Variants in BTN1A1 observed in about 807,000 individuals in gnomAD.
BTN1A1 encodes the protein bK14H9.2 (butyrophilin, subfamily 1, member A1).
In BTN1A1, 26 loss-of-function variants were observed where a neutral mutation model predicts 33.1. The observed-to-expected ratio is 0.79, with a 90% CI of 0.58 to 1.09. The LOEUF (loss-of-function observed/expected upper bound fraction) is 1.09. Among genes scored for constraint, BTN1A1 ranks in the 50% least tolerant of loss-of-function variants. The pLI, the probability that BTN1A1 is intolerant of heterozygous loss-of-function variation, is 0.00. For missense variants in BTN1A1, 558 were observed against 655.7 expected (o/e 0.85, Z 1.63); for synonymous variants, 235 against 256.2 (o/e 0.92, Z 0.79).
chr6:26,507,200 G>A (rs971651092), intron 5 of BTN1A1, among the ~76,000 whole-genome samples: 11 of 152,082 alleles, frequency 7.2e-5, no homozygotes, highest in South Asian at 2.1e-4. Context: ...TAGCCTGAGC[G>A]ACAGAATAAG....
chr6:26,506,514 A>G (rs1561884709), intron 4 of BTN1A1, among the ~76,000 whole-genome samples, 169 bp from the exon 5 acceptor site: 1 of 151,692 alleles, frequency 6.6e-6, no homozygotes, highest in East Asian at 1.9e-4. Flanking sequence ...CTTGAAGTCA[A>G]TTTTTTTCTG....
Position 26,506,708 on chromosome 6 carries a change from C to T in BTN1A1, c.735C>T (p.Pro245=), listed in dbSNP as rs1389906036. 1 of 1,614,072 alleles carries T rather than the reference C, an allele frequency of 6.2e-7. No homozygotes were observed. The highest frequency in any genetic ancestry group is 1.1e-5 in the South Asian group (1 of 91,068). The part of the protein sequence containing the change: ...IPASSLPRLT[P]WIVAVAVILM... ...CTTCCTCCCTCCCAAGGCTGACTCC[C>T]TGGATAGTGGCTGTGGCTGTCATCC... The change falls in exon 5 of 8, where the codon CCC becomes CCT. Residue 245 remains proline (P), a synonymous_variant. Coordinates refer to ENST00000684113, the MANE Select transcript of BTN1A1 (RefSeq NM_001732.3).
Position 26,508,782 on chromosome 6 carries a change from G to C in BTN1A1, c.1189G>C (p.Glu397Gln). 1.2e-6 allele frequency: 2 copies of C among 1,614,154 alleles called. No individual in the cohort carries two copies. The highest frequency in any genetic ancestry group is 1.7e-6 in the Non-Finnish European group (2 of 1,180,022). The stretch of plus-strand genomic sequence containing the variant: ...TCCTGAGAATGGGTTCTGGGCTGTA[G>C]AGTTGTATGGAAATGGGTACTGGGC... ...MTPENGFWAV[E>Q]LYGNGYWALT... is the part of the protein sequence containing the mutation. Residue 397 changes from glutamate to glutamine, a missense_variant, in exon 8 of 8, where the codon GAG (glutamate) becomes CAG (glutamine). By Grantham distance (29) the Glu-to-Gln change is conservative. Coordinates refer to ENST00000684113, the MANE Select transcript of BTN1A1 (RefSeq NM_001732.3).
intron 5 of BTN1A1, 74 bp downstream of exon 5, chr6:26,506,906 T>C: frequency 1.3e-6 from 2 of 1,527,790 alleles, no homozygotes; most frequent in East Asian, 2.3e-5. Flanking sequence ...TCCTTTAGAA[T>C]GACTTATTTT....
In BTN1A1 at chr6:26,506,808, A is replaced by G. The variant is rs747952171; in HGVS notation, c.835A>G (p.Arg279Gly). 23 of 1,614,152 alleles carry G rather than the reference A, an allele frequency of 1.4e-5. No homozygotes were observed. The highest frequency in any genetic ancestry group is 4.5e-5 in the East Asian group (2 of 44,886). Residue 279 changes from arginine (R) to glycine (G), a missense_variant, in exon 5 of 8, where the codon AGG (arginine) becomes GGG (glycine). Coordinates refer to ENST00000684113, the MANE Select transcript of BTN1A1 (RefSeq NM_001732.3). Reference protein sequence around the residue: ...WRLYNERPRERRNEFSSKERL... With the variant: ...WRLYNERPREGRNEFSSKERL... ...ACTATACAACGAAAGACCCAGAGAG[A>G]GGAGGAATGAATTCAGCTCTAAAGG...
rs1373788303 is a variant in BTN1A1, at chr6:26,508,608, G to A, written c.1015G>A (p.Glu339Lys). 1.2e-6 allele frequency: 2 copies of A among 1,614,158 alleles called. No individual in the cohort carries two copies. The highest frequency in any genetic ancestry group is 8.5e-7 in the Non-Finnish European group (1 of 1,180,020). The part of the protein sequence containing the change: ...DSRQKLPEKT[E>K]RFDSWPCVLG... ...ACGTCAGAAACTGCCTGAGAAAACA[G>A]AGAGATTTGACTCCTGGCCCTGTGT... Residue 339 changes from glutamate (E) to lysine (K), a missense_variant, in exon 8 of 8, where the codon GAG becomes AAG. Glu to Lys is a moderately conservative substitution (Grantham distance 56, BLOSUM62 1). Coordinates refer to ENST00000684113, the MANE Select transcript of BTN1A1 (RefSeq NM_001732.3).
Position 26,508,538 on chromosome 6 carries a change from C to A in BTN1A1, c.945C>A (p.His315Gln). ...TGGACCCAGACACAGCTCATCCCCA[C>A]CTCTTTCTTTATGAGGATTCAAAAT... ...VTLDPDTAHP[H>Q]LFLYEDSKSV... Residue 315 changes from histidine to glutamine, a missense_variant, in exon 8 of 8, where the codon CAC becomes CAA. Transcript: ENST00000684113. The A allele has an allele frequency of 6.2e-7, 1 of 1,614,032 alleles. No homozygotes were observed. The highest frequency in any genetic ancestry group is 8.5e-7 in the Non-Finnish European group (1 of 1,179,954).
Position 26,501,539 on chromosome 6 carries a change from T to TC in BTN1A1, c.80-49dup, listed in dbSNP as rs1411350014. 2 of 1,603,968 alleles carry TC rather than the reference T, an allele frequency of 1.2e-6. No homozygotes were observed. The highest frequency in any genetic ancestry group is 1.7e-5 in the Admixed American group (1 of 59,634). On this transcript the variant is annotated intron_variant, in intron 2 of 7. Coordinates refer to ENST00000684113, the MANE Select transcript of BTN1A1 (RefSeq NM_001732.3). This position sits in a 1 kb window ranked among gnomAD's most constrained non-coding sequence, Gnocchi z 5.2. ...TTGGCGGGAATCTGGTCGGTGTCTG[T>TC]CCGTAGTTCCCATCTCCACATCCCG...
Position 26,508,588 on chromosome 6 carries a change from A to G in BTN1A1, c.995A>G (p.Gln332Arg). ...SKSVRLEDSR[Q>R]KLPEKTERFD... is the part of the protein sequence containing the mutation. ...TCTGTTCGACTGGAAGATTCACGTC[A>G]GAAACTGCCTGAGAAAACAGAGAGA... The change falls in exon 8 of 8, where the codon CAG becomes CGG. Residue 332 changes from glutamine to arginine, a missense_variant. Coordinates refer to ENST00000684113, the MANE Select transcript of BTN1A1 (RefSeq NM_001732.3). The G allele has an allele frequency of 6.2e-7, 1 of 1,614,230 alleles. No homozygotes were observed. The highest frequency in any genetic ancestry group is 1.1e-5 in the South Asian group (1 of 91,088).
At chr6:26,508,142 A>G (rs2113894890) in intron 7 of BTN1A1, 55 bp downstream of exon 7, 1 of 1,533,594 alleles carries the variant, frequency 6.5e-7, no homozygotes, top group Non-Finnish European at 8.8e-7. Flanking sequence ...TAGGAATTCA[A>G]AGTGCTATGA....
chr6:26,505,645 T>C (rs2113892609), intron 4 of BTN1A1, among the ~76,000 whole-genome samples: 1 of 152,202 alleles, frequency 6.6e-6, no homozygotes, highest in South Asian at 2.1e-4. Context: ...AGGCTGGTCT[T>C]GAACTTCTGG....
chr6:26,504,682 G>A (rs1446746530), intron 3 of BTN1A1, among the ~76,000 whole-genome samples: 2 of 151,940 alleles, frequency 1.3e-5, no homozygotes, highest in Non-Finnish European at 2.9e-5. Context: ...TGCCCAGGCT[G>A]GTCTTGATCT....
chr6:26,506,949 G>T, intron 5 of BTN1A1, 117 bp downstream of exon 5: 1 of 1,281,988 alleles, frequency 7.8e-7, no homozygotes, highest in Non-Finnish European at 1.1e-6. Context: ...GGCTGGGCAT[G>T]GTGGCTCACG....
rs766193997 is a variant in BTN1A1, at chr6:26,501,890, G to C, written c.380G>C (p.Arg127Thr). 12 of 1,601,354 alleles carry C rather than the reference G, an allele frequency of 7.5e-6. No individual in the cohort carries two copies. The highest frequency in any genetic ancestry group is 1.0e-5 in the Non-Finnish European group (12 of 1,171,758). Residue 127 changes from arginine (R) to threonine (T), a missense_variant, in exon 3 of 8, where the codon AGG (arginine) becomes ACG (threonine). Physicochemically the swap from Arg to Thr is moderately conservative, Grantham distance 71. Coordinates refer to ENST00000684113, the MANE Select transcript of BTN1A1 (RefSeq NM_001732.3). This position sits in a 1 kb window ranked among gnomAD's most constrained non-coding sequence, Gnocchi z 5.2. Reference protein sequence around the residue: ...SDDGEYTCFFREDGSYEEALV... With the variant: ...SDDGEYTCFFTEDGSYEEALV... Reference sequence around the variant, plus strand: ...GACGGGGAGTACACGTGCTTTTTCAGGGAGGATGGAAGCTACGAAGAAGCC... The same window carrying C: ...GACGGGGAGTACACGTGCTTTTTCACGGAGGATGGAAGCTACGAAGAAGCC...
At position 26,508,095 on chromosome 6, in the gene BTN1A1, G is replaced by T; in HGVS notation, c.907+8G>T. ...AGGCTACCTTGCATGCAGGTCAGTG[G>T]CTCTGAACTTCTCTAGGGCTCTGAG... On this transcript the variant is annotated splice_region_variant and intron_variant, in intron 7 of 7. Coordinates refer to ENST00000684113, the MANE Select transcript of BTN1A1 (RefSeq NM_001732.3). The T allele has an allele frequency of 6.2e-7, 1 of 1,608,324 alleles. No homozygotes were observed. Among genetic ancestry groups the T allele is most frequent in the Non-Finnish European group, 8.5e-7 (1 of 1,178,204 alleles).
At position 26,509,070 on chromosome 6, in the gene BTN1A1, A is replaced by G; in HGVS notation, c.1477A>G (p.Lys493Glu). ...CATTGCTAATGCCCAGGACCTTTCT[A>G]AGGAGATCCCATTGTCCCCCATGGG... ...TVIANAQDLS[K>E]EIPLSPMGED... The change falls in exon 8 of 8, where the codon AAG (lysine) becomes GAG (glutamate). Residue 493 changes from lysine to glutamate, a missense_variant. Coordinates refer to ENST00000684113, the MANE Select transcript of BTN1A1 (RefSeq NM_001732.3). The G allele has an allele frequency of 1.2e-6, 2 of 1,614,136 alleles. No homozygotes were observed. The highest frequency in any genetic ancestry group is 1.7e-6 in the Non-Finnish European group (2 of 1,180,000).
rs536809706 is a variant in BTN1A1 at position 26,500,371 on chromosome 6, G to A, written c.-58+13G>A. On this transcript the variant is annotated intron_variant, in intron 1 of 7. Coordinates refer to ENST00000684113, the MANE Select transcript of BTN1A1 (RefSeq NM_001732.3). Reference sequence around the variant, plus strand: ...CAAGATCACCCAGGTCAGTATGTGTGGTTACTCTCAGCTCCCTGAGGGAGT... The same window carrying A: ...CAAGATCACCCAGGTCAGTATGTGTAGTTACTCTCAGCTCCCTGAGGGAGT... Among the ~76,000 whole-genome samples the A allele has an allele frequency of 2.6e-4, 40 of 152,186 alleles. No individual in the cohort carries two copies. The highest frequency in any genetic ancestry group is 5.3e-4 in the Non-Finnish European group (36 of 68,004).
rs1224167084 is a variant in BTN1A1 at position 26,501,965 on chromosome 6, G to C, written c.427+28G>C. 6.5e-7 allele frequency: 1 copy of C among 1,531,330 alleles called. No individual in the cohort carries two copies. The highest frequency in any genetic ancestry group is 8.8e-7 in the Non-Finnish European group (1 of 1,139,876). 94.9% of individuals were successfully genotyped at this position (1,531,330 alleles called of 1,614,324 possible). On this transcript the variant is annotated intron_variant, in intron 3 of 7. Transcript: ENST00000684113. The surrounding 1 kb of genome is among the most constrained non-coding windows in gnomAD (Gnocchi z 5.2). ...GAGTAGACGGGTTTTGACTTTCTCC[G>C]ACGACTCCCCTGCTGTATACACTTT...
Position 26,508,945 on chromosome 6 carries a change from C to A in BTN1A1, c.1352C>A (p.Thr451Asn). The change falls in exon 8 of 8, where the codon ACT becomes AAT. Residue 451 changes from threonine to asparagine, a missense_variant. Transcript: ENST00000684113. The stretch of plus-strand genomic sequence containing the variant: ...GATATCTATACTTTCTCCAATGTCA[C>A]TTTCTCTGGCCCCCTCCGGCCCTTC... ...GSDIYTFSNVTFSGPLRPFFC... is the reference protein window; with the variant it reads ...GSDIYTFSNVNFSGPLRPFFC... 2 of 1,614,226 alleles carry A rather than the reference C, an allele frequency of 1.2e-6. No homozygotes were observed. Among genetic ancestry groups the A allele is most frequent in the Non-Finnish European group, 1.7e-6 (2 of 1,180,038 alleles).
Sources: gnomAD v4.1 joint callset for allele counts (sites outside exome capture counted in the v4.1 genomes callset) on GRCh38, gnomAD v4.1.1 for gene constraint, Gnocchi (gnomAD v3.1) non-coding constraint, MANE v1.5 for transcripts, NCBI Gene and HGNC (gene_info 2026-07-23, HGNC 2026-07-21) for gene names.